Variants in STAG1 observed in about 807,000 individuals in gnomAD.
The protein encoded by STAG1 is cohesin subunit SA-1.
A neutral mutation model predicts 170.9 loss-of-function variants in STAG1; 26 were observed. The ratio of observed to expected loss-of-function variants is 0.15; its 90% CI spans 0.11 to 0.21. The LOEUF is 0.21. Ranked by LOEUF, STAG1 falls within the 10% of genes least tolerant of loss-of-function variation. The pLI is 1.00. For missense variants in STAG1, 964 were observed against 1,509.5 expected (o/e 0.64, Z 5.99); for synonymous variants, 514 against 497.7 (o/e 1.03, Z -0.44).
chr3:136,688,395 T>C (rs1224360506), intron 1 of STAG1, among the ~76,000 whole-genome samples: 3 of 151,914 alleles, frequency 2.0e-5, no homozygotes, highest in Non-Finnish European at 4.4e-5. Context: ...GTACAAAAAG[T>C]TTAATTTTTT....
intron 5 of STAG1, among the ~76,000 whole-genome samples, chr3:136,542,717 G>C: frequency 6.6e-6 from 1 of 150,574 alleles, no homozygotes; most frequent in Non-Finnish European, 1.5e-5. Context: ...ATAAAGATCA[G>C]ATGAAATAAA....
chr3:136,733,366 A>G, intron 1 of STAG1, among the ~76,000 whole-genome samples: 1 of 152,092 alleles, frequency 6.6e-6, no homozygotes, highest in Non-Finnish European at 1.5e-5. Context: ...GATTACAGGC[A>G]TGAGCTACCG....
intron 1 of STAG1, among the ~76,000 whole-genome samples, chr3:136,672,793 A>G (rs780527699): frequency 9.8e-4 from 149 of 152,344 alleles, no homozygotes; most frequent in Non-Finnish European, 1.4e-3. Flanking sequence ...TACAGCAGGT[A>G]AAGTTCATAT....
intron 1 of STAG1, among the ~76,000 whole-genome samples, chr3:136,724,407 A>G (rs1933537616): frequency 6.6e-6 from 1 of 151,322 alleles, no homozygotes; most frequent in South Asian, 2.1e-4. Flanking sequence ...TGAAGGCAGC[A>G]TGCTCGTTAA....
chr3:136,725,279 G>T (rs1054059947), intron 1 of STAG1, among the ~76,000 whole-genome samples: 2 of 150,790 alleles, frequency 1.3e-5, no homozygotes, highest in African/African-American at 2.4e-5. Flanking sequence ...AAATTATACG[G>T]GTGTGTGTGT....
intron 1 of STAG1, among the ~76,000 whole-genome samples, chr3:136,653,449 C>A (rs1311670536): frequency 6.6e-6 from 1 of 152,080 alleles, no homozygotes; most frequent in African/African-American, 2.4e-5. Flanking sequence ...TTTATCAATT[C>A]AAATATGAAA....
chr3:136,399,548 T>C (rs1322982202), intron 21 of STAG1, among the ~76,000 whole-genome samples: 2 of 152,234 alleles, frequency 1.3e-5, no homozygotes, highest in South Asian at 4.1e-4. Flanking sequence ...TGATGTTGCA[T>C]GTACCTAGAG....
At chr3:136,738,641 C>G (rs1466021790) in intron 1 of STAG1, among the ~76,000 whole-genome samples, 2 of 152,124 alleles carry the variant, frequency 1.3e-5, no homozygotes, top group African/African-American at 2.4e-5. Context: ...GGCAACAGAA[C>G]AAGACTGCTT....
intron 6 of STAG1, among the ~76,000 whole-genome samples, chr3:136,541,538 TCACACACACACACACACA>T (rs59155124): frequency 1.1e-3 from 138 of 123,216 alleles, no homozygotes; most frequent in East Asian, 9.3e-4. Context: ...AGCTTAACAT[TCACACACACACACACACA>T]CACACACACA....
At chr3:136,432,952 C>G (rs1230798649) in intron 16 of STAG1, among the ~76,000 whole-genome samples, 1 of 151,662 alleles carries the variant, frequency 6.6e-6, no homozygotes, top group Non-Finnish European at 1.5e-5. Flanking sequence ...ATCAATTTTT[C>G]AGGAAAAAAT....
At chr3:136,460,578 GACA>G (rs2089245682) in intron 13 of STAG1, among the ~76,000 whole-genome samples, 1 of 151,858 alleles carries the variant, frequency 6.6e-6, no homozygotes, top group African/African-American at 2.4e-5. Flanking sequence ...CTCCAGCCAG[GACA>G]ACAACAGCAA....
At chr3:136,615,636 G>A (rs61790794) in intron 3 of STAG1, among the ~76,000 whole-genome samples, 16 of 151,254 alleles carry the variant, frequency 1.1e-4, no homozygotes, top group Non-Finnish European at 2.4e-4. Context: ...AAATTATCCG[G>A]GCGTGATGGT....
At chr3:136,636,510 G>C (rs1940566159) in intron 1 of STAG1, among the ~76,000 whole-genome samples, 1 of 152,104 alleles carries the variant, frequency 6.6e-6, no homozygotes, top group African/African-American at 2.4e-5. Context: ...TATATTAACA[G>C]AAAACTTTTT....
At chr3:136,437,293 C>T (rs2088487155) in intron 15 of STAG1, among the ~76,000 whole-genome samples, 1 of 152,208 alleles carries the variant, frequency 6.6e-6, no homozygotes, top group Non-Finnish European at 1.5e-5. Flanking sequence ...TAGAAACTTA[C>T]CCTGAACGGG....
chr3:136,597,878 C>T (rs1300393571), intron 4 of STAG1, among the ~76,000 whole-genome samples: 2 of 151,854 alleles, frequency 1.3e-5, no homozygotes, highest in East Asian at 1.9e-4. Flanking sequence ...CTAAACTTCA[C>T]CGTTATTTAA....
At chr3:136,657,899 C>G (rs1214832890) in intron 1 of STAG1, among the ~76,000 whole-genome samples, 1 of 152,152 alleles carries the variant, frequency 6.6e-6, no homozygotes, top group African/African-American at 2.4e-5. Context: ...TTGTGGATTT[C>G]CCTGTTGACT....
chr3:136,578,881 T>A (rs1026704057), intron 4 of STAG1, among the ~76,000 whole-genome samples: 2 of 152,184 alleles, frequency 1.3e-5, no homozygotes, highest in African/African-American at 4.8e-5. Context: ...AACCCCATTA[T>A]CAGCTTTCTA....
At chr3:136,485,748 G>C (rs1226045988) in intron 9 of STAG1, among the ~76,000 whole-genome samples, 2 of 152,078 alleles carry the variant, frequency 1.3e-5, no homozygotes, top group African/African-American at 2.4e-5. Flanking sequence ...CATATGTATT[G>C]TTTTACATAA....
intron 7 of STAG1, among the ~76,000 whole-genome samples, chr3:136,517,319 T>C (rs1259428135): frequency 6.6e-6 from 1 of 152,182 alleles, no homozygotes; most frequent in Non-Finnish European, 1.5e-5. Context: ...TCCCTTTTGT[T>C]CAAATTAGAA....
Sources: gnomAD v4.1 joint callset for allele counts (sites outside exome capture counted in the v4.1 genomes callset) on GRCh38, gnomAD v4.1.1 for gene constraint, MANE v1.5 for transcripts, NCBI Gene and HGNC (gene_info 2026-07-23, HGNC 2026-07-21) for gene names.